Variants in POU2F3 observed in about 807,000 individuals in gnomAD.
POU2F3 encodes POU domain, class 2, transcription factor 3.
POU2F3 carries 23 observed loss-of-function variants against 59.2 expected under a neutral mutation model. That is an observed-to-expected ratio of 0.39 (90% CI 0.28 to 0.55). The LOEUF (loss-of-function observed/expected upper bound fraction) is 0.55, where lower values mean the gene tolerates loss of function less well. Ranked by LOEUF, POU2F3 falls within the 20% of genes least tolerant of loss-of-function variation. The probability of loss-of-function intolerance (pLI) is 0.66; values close to 1 mark genes in which losing one functional copy is unlikely to be tolerated. For missense variants in POU2F3, 473 were observed against 544.5 expected (o/e 0.87, Z 1.31); for synonymous variants, 190 against 214.6 (o/e 0.89, Z 1.00).
intron 4 of POU2F3, among the ~76,000 whole-genome samples, chr11:120,298,651 G>C (rs935523628): frequency 2.0e-5 from 3 of 152,198 alleles, no homozygotes; most frequent in African/African-American, 7.2e-5. Flanking sequence ...TGAGCTGCTG[G>C]TGTCTGCCAG....
intron 2 of POU2F3, among the ~76,000 whole-genome samples, chr11:120,264,041 C>T (rs1939718575): frequency 6.6e-6 from 1 of 152,134 alleles, no homozygotes; most frequent in Non-Finnish European, 1.5e-5. Flanking sequence ...GAAACAGACA[C>T]ATAAGCCACT....
intron 9 of POU2F3, among the ~76,000 whole-genome samples, chr11:120,308,287 C>T (rs1941556154): frequency 6.6e-6 from 1 of 152,220 alleles, no homozygotes; most frequent in South Asian, 2.1e-4. Flanking sequence ...TAGCCAGGCT[C>T]CCTCAGATCC....
At chr11:120,294,482 T>G (rs1941128471) in intron 3 of POU2F3, among the ~76,000 whole-genome samples, 1 of 152,164 alleles carries the variant, frequency 6.6e-6, no homozygotes, top group African/African-American at 2.4e-5. Flanking sequence ...CGGGGGAGAT[T>G]GGGTTTTCGT....
intron 6 of POU2F3, 59 bp from the exon 7 acceptor site, chr11:120,304,971 A>AAT (rs1941444427): frequency 2.0e-6 from 2 of 981,418 alleles, no homozygotes; most frequent in African/African-American, 3.4e-5. Context: ...AAAAAAAAAA[A>AAT]TCAGAAAATG....
upstream of POU2F3, among the ~76,000 whole-genome samples, chr11:120,238,679 C>CA (rs1938559151): frequency 6.6e-6 from 1 of 151,566 alleles, no homozygotes; most frequent in Admixed American, 6.6e-5. Flanking sequence ...CCTAAAAACA[C>CA]AAAAATTAGC....
At chr11:120,307,723 C>G (rs935967098) in intron 9 of POU2F3, 108 bp downstream of exon 9, 6 of 1,403,716 alleles carry the variant, frequency 4.3e-6, no homozygotes, top group Non-Finnish European at 5.9e-6. Flanking sequence ...CACACCTGCT[C>G]TGGGACACGA....
intron 2 of POU2F3, among the ~76,000 whole-genome samples, 158 bp downstream of exon 2, chr11:120,246,675 T>A (rs1938890828): frequency 1.3e-5 from 2 of 152,134 alleles, no homozygotes; most frequent in South Asian, 4.1e-4. Flanking sequence ...ACATGGGATA[T>A]GATTCTGGAG....
At chr11:120,288,439 A>T (rs985087923) in intron 3 of POU2F3, among the ~76,000 whole-genome samples, 1 of 152,186 alleles carries the variant, frequency 6.6e-6, no homozygotes, top group African/African-American at 2.4e-5. Flanking sequence ...CTTCTTTAGG[A>T]AGGATTCCTG....
chr11:120,314,017 CCAACAACAA>C (rs1042620516), intron 10 of POU2F3, among the ~76,000 whole-genome samples: 1 of 151,534 alleles, frequency 6.6e-6, no homozygotes, highest in East Asian at 1.9e-4. Context: ...CCATCTCAAA[CCAACAACAA>C]CAACAACAAC....
intron 3 of POU2F3, among the ~76,000 whole-genome samples, chr11:120,292,527 G>T (rs1237966756): frequency 1.3e-5 from 2 of 152,180 alleles, no homozygotes; most frequent in Non-Finnish European, 2.9e-5. Flanking sequence ...TTATTTAGGG[G>T]CAGAACAGCC....
At chr11:120,273,398 T>C (rs1197114727) in intron 3 of POU2F3, among the ~76,000 whole-genome samples, 1 of 151,948 alleles carries the variant, frequency 6.6e-6, no homozygotes, top group Non-Finnish European at 1.5e-5. Context: ...CTGAAGTGGG[T>C]GGTGAGGGAA....
At chr11:120,302,636 C>A (rs561043710) in intron 6 of POU2F3, 41 of 453,236 alleles carry the variant, frequency 9.0e-5, no homozygotes, top group African/African-American at 7.7e-4. Context: ...TGAACTCCAA[C>A]CCTGCACAGG....
chr11:120,284,050 G>A (rs570985937), intron 3 of POU2F3, among the ~76,000 whole-genome samples: 72 of 152,058 alleles, frequency 4.7e-4, no homozygotes, highest in Admixed American at 7.2e-4. Context: ...ACGGTGGTGC[G>A]CACCTGTAAT....
rs1940756018 is a variant in POU2F3 at position 120,285,720 on chromosome 11, TG to T, written c.133-12544del. 6.6e-6 allele frequency among the ~76,000 whole-genome samples: 1 copy of T among 152,234 alleles called. No individual in the cohort carries two copies. Among genetic ancestry groups the T allele is most frequent in the South Asian group, 2.1e-4 (1 of 4,830 alleles). Reference sequence around the variant, plus strand: ...TCTGGATATATATTACAAATGGAAATGTATAAATTTTTGTGGCCTACACACA... The same window carrying T: ...TCTGGATATATATTACAAATGGAAATTATAAATTTTTGTGGCCTACACACA... On this transcript the variant is annotated intron_variant, in intron 3 of 12. Transcript: ENST00000543440. The surrounding 1 kb of genome is among the most constrained non-coding windows in gnomAD (Gnocchi z 4.3).
intron 10 of POU2F3, among the ~76,000 whole-genome samples, chr11:120,314,851 G>A (rs1400705994): frequency 6.6e-6 from 1 of 152,216 alleles, no homozygotes; most frequent in Non-Finnish European, 1.5e-5. Flanking sequence ...AGTGCCTCCA[G>A]TCACCTCTGG....
intron 3 of POU2F3, among the ~76,000 whole-genome samples, chr11:120,297,375 C>T (rs1212058686): frequency 6.6e-6 from 1 of 152,180 alleles, no homozygotes; most frequent in East Asian, 1.9e-4. Context: ...GAAACCACCA[C>T]GGGCCCCTCA....
chr11:120,287,989 A>AT (rs1226873199), intron 3 of POU2F3, among the ~76,000 whole-genome samples: 2 of 151,934 alleles, frequency 1.3e-5, no homozygotes, highest in East Asian at 3.8e-4. Flanking sequence ...TCAAGCTGGA[A>AT]TAGGGGATTG....
At chr11:120,247,398 T>G (rs1477490696) in intron 2 of POU2F3, among the ~76,000 whole-genome samples, 2 of 152,348 alleles carry the variant, frequency 1.3e-5, no homozygotes, top group Middle Eastern at 3.4e-3. Flanking sequence ...AGCTATGAGA[T>G]TCTTGTCAGG....
At chr11:120,251,739 T>C (rs1939108861) in intron 2 of POU2F3, among the ~76,000 whole-genome samples, 1 of 152,094 alleles carries the variant, frequency 6.6e-6, no homozygotes, top group South Asian at 2.1e-4. Flanking sequence ...AGACTTATTT[T>C]TTGTCTATTT....
Sources: gnomAD v4.1 joint callset for allele counts (sites outside exome capture counted in the v4.1 genomes callset) on GRCh38, gnomAD v4.1.1 for gene constraint, Gnocchi (gnomAD v3.1) non-coding constraint, MANE v1.5 for transcripts, NCBI Gene and HGNC (gene_info 2026-07-23, HGNC 2026-07-21) for gene names.